Variants in MRPL21 observed in about 807,000 individuals in gnomAD.
MRPL21 encodes the protein large ribosomal subunit protein bL21m.
Under a neutral mutation model 27.3 loss-of-function variants are expected in MRPL21, and 20 were observed. The ratio of observed to expected loss-of-function variants is 0.73; its 90% CI spans 0.52 to 1.06. MRPL21 has a LOEUF of 1.06. Ranked by LOEUF, MRPL21 falls within the 50% of genes least tolerant of loss-of-function variation. The pLI is 0.00. For missense variants in MRPL21, 249 were observed against 251.4 expected (o/e 0.99, Z 0.06); for synonymous variants, 98 against 101.5 (o/e 0.97, Z 0.21).
In MRPL21 at chr11:68,892,881, C is replaced by G; in HGVS notation, c.553+9G>C. On this transcript the variant is annotated intron_variant, in intron 6 of 6. Transcript: ENST00000362034. ...GCAACAGGGCCCAGCGGTACTTTCTCTAACTTACTTCTTTTCTTCTTGAAG... is the reference window on the plus strand; with the variant it reads ...GCAACAGGGCCCAGCGGTACTTTCTGTAACTTACTTCTTTTCTTCTTGAAG... 6.2e-7 allele frequency: 1 copy of G among 1,609,292 alleles called. No individual in the cohort carries two copies. Among genetic ancestry groups the G allele is most frequent in the Non-Finnish European group, 8.5e-7 (1 of 1,176,870 alleles).
intron 6 of MRPL21, 51 bp downstream of exon 6, chr11:68,892,839 T>C (rs375182801): frequency 8.4e-5 from 134 of 1,589,500 alleles, no homozygotes; most frequent in African/African-American, 8.1e-4. Context: ...CGCATGCGCC[T>C]GGGCAACCAG....
intron 4 of MRPL21, among the ~76,000 whole-genome samples, chr11:68,894,409 T>G (rs1857733955): frequency 6.6e-6 from 1 of 152,104 alleles, no homozygotes; most frequent in South Asian, 2.1e-4. Flanking sequence ...GCCCCCTGAG[T>G]AGCTGGGACT....
rs148828811 is a variant in MRPL21, at chr11:68,891,917, T to C, written c.554-522A>G. On this transcript the variant is annotated intron_variant, in intron 6 of 6. Coordinates refer to ENST00000362034, the MANE Select transcript of MRPL21 (RefSeq NM_181514.2). ...TGTGGCCCATGCCCCGTGGGTGCCA[T>C]CCCTCAGGATGCCCACTATGGGGGA... The C allele has an allele frequency of 9.4e-4, 491 of 523,192 alleles. 1 individual carries two copies. Among genetic ancestry groups the C allele is most frequent in the African/African-American group, 7.4e-3 (393 of 52,770 alleles). The allele number at this position is 523,192 out of a possible 1,614,324, so 32.4% of individuals were successfully genotyped here.
chr11:68,897,994 G>A lies in MRPL21; in HGVS notation c.165C>T (p.Ser55=), dbSNP rs749239284. ...CTTCTGGCCAAGGTGGTGAACTCAG[G>A]GATGTTTTAGGAACATATCTGTAAA... The part of the protein sequence containing the change: ...SYLPGYVPKT[S]LSSPPWPEVV... The change falls in exon 3 of 7, where the codon TCC becomes TCT. Residue 55 remains serine (S), a synonymous_variant. Transcript: ENST00000362034. 3.1e-6 allele frequency: 5 copies of A among 1,614,048 alleles called. No homozygotes were observed. The highest frequency in any genetic ancestry group is 4.2e-6 in the Non-Finnish European group (5 of 1,179,922).
Position 68,891,353 on chromosome 11 carries a change from T to C in MRPL21, c.596A>G (p.Glu199Gly), listed in dbSNP as rs200169733. The change falls in exon 7 of 7, where the codon GAG becomes GGG. Residue 199 changes from glutamate (E) to glycine (G), a missense_variant. Glu to Gly is a moderately conservative substitution (Grantham distance 98, BLOSUM62 -2). Coordinates refer to ENST00000362034, the MANE Select transcript of MRPL21 (RefSeq NM_181514.2). ...TAATCACAACAAACACGGAGCAATC[T>C]CAATGCTGTTTATCCGGAGGACAGT... ...PQTVLRINSI[E>G]IAPCLL The C allele has an allele frequency of 3.7e-6, 6 of 1,614,072 alleles. No individual in the cohort carries two copies. The Admixed American group carries it at 1.0e-4, about 27-fold the overall frequency.
chr11:68,903,616 C>T, intron 1 of MRPL21, 107 bp downstream of exon 1: 1 of 1,160,520 alleles, frequency 8.6e-7, no homozygotes, highest in Non-Finnish European at 1.3e-6. Flanking sequence ...ACCACAAATG[C>T]GATCAACACA....
In MRPL21 at chr11:68,892,884, A is replaced by T. The variant is rs866971600; in HGVS notation, c.553+6T>A. On this transcript the variant is annotated splice_donor_region_variant and intron_variant, in intron 6 of 6. Coordinates refer to ENST00000362034, the MANE Select transcript of MRPL21 (RefSeq NM_181514.2). ...ACAGGGCCCAGCGGTACTTTCTCTA[A>T]CTTACTTCTTTTCTTCTTGAAGTTT... is the stretch of plus-strand genomic sequence containing the variant. 13 of 1,609,984 alleles carry T rather than the reference A, an allele frequency of 8.1e-6. No homozygotes were observed. The highest frequency in any genetic ancestry group is 9.3e-6 in the Non-Finnish European group (11 of 1,177,466).
In MRPL21 at chr11:68,891,405, A is replaced by G; in HGVS notation, c.554-10T>C. ...TGCGGGGTCGTGACGACTGAAAGAA[A>G]GGATGTCACAGGCTTGACCACAGAC... On this transcript the variant is annotated splice_polypyrimidine_tract_variant and intron_variant, in intron 6 of 6. Coordinates refer to ENST00000362034, the MANE Select transcript of MRPL21 (RefSeq NM_181514.2). 6.2e-7 allele frequency: 1 copy of G among 1,613,856 alleles called. No individual in the cohort carries two copies.
At chr11:68,898,217 T>A (rs1197718068) in intron 2 of MRPL21, among the ~76,000 whole-genome samples, 1 of 152,198 alleles carries the variant, frequency 6.6e-6, no homozygotes, top group Non-Finnish European at 1.5e-5. Flanking sequence ...TGGCTCATCA[T>A]TCAATAATCA....
At chr11:68,902,660 A>G (rs1353541231) in intron 1 of MRPL21, among the ~76,000 whole-genome samples, 2 of 152,292 alleles carry the variant, frequency 1.3e-5, no homozygotes, top group Non-Finnish European at 2.9e-5. Context: ...ATTGTTATCC[A>G]AAGTCCATAG....
chr11:68,896,365 G>GC, intron 4 of MRPL21, 150 bp downstream of exon 4: 2 of 991,700 alleles, frequency 2.0e-6, no homozygotes. Flanking sequence ...CGCCGTGGGC[G>GC]CCCCCCAAAG....
At chr11:68,891,883 G>A (rs561089565) in intron 6 of MRPL21, 9 of 483,430 alleles carry the variant, frequency 1.9e-5, no homozygotes, top group African/African-American at 3.8e-5. Context: ...TTCTGCAGCC[G>A]CTCAGCTATG....
chr11:68,900,942 G>A (rs944021103), intron 1 of MRPL21, among the ~76,000 whole-genome samples: 4 of 152,210 alleles, frequency 2.6e-5, no homozygotes, highest in African/African-American at 9.6e-5. Context: ...GCTGGGCCCC[G>A]CCTCCTGCTA....
intron 2 of MRPL21, 105 bp from the exon 3 acceptor site, chr11:68,898,117 C>A (rs1316699801): frequency 2.1e-6 from 2 of 935,744 alleles, no homozygotes; most frequent in East Asian, 2.6e-5. Context: ...TCCCCGGCAA[C>A]AAAAGGCTCG....
intron 6 of MRPL21, 172 bp downstream of exon 6, chr11:68,892,718 G>T (rs1857677748): frequency 6.5e-7 from 1 of 1,533,332 alleles, no homozygotes; most frequent in Non-Finnish European, 8.7e-7. Context: ...AGCGAGGCTG[G>T]ACCCTCTGGG....
intron 4 of MRPL21, 70 bp from the exon 5 acceptor site, chr11:68,893,525 G>A (rs1443650297): frequency 3.2e-6 from 5 of 1,584,464 alleles, no homozygotes; most frequent in Admixed American, 1.7e-5. Flanking sequence ...CTAATAACAG[G>A]TAGTGATGTC....
At chr11:68,894,369 C>T (rs1169879163) in intron 4 of MRPL21, among the ~76,000 whole-genome samples, 1 of 152,208 alleles carries the variant, frequency 6.6e-6, no homozygotes. Flanking sequence ...CAACCTCTGC[C>T]TCCCAGGTTC....
At chr11:68,903,609 A>G in intron 1 of MRPL21, 114 bp downstream of exon 1, 7 of 1,111,656 alleles carry the variant, frequency 6.3e-6, no homozygotes, top group Non-Finnish European at 5.4e-6. Flanking sequence ...TATATTCACC[A>G]CAAATGCGAT....
At chr11:68,903,614 T>TG (rs1858033826) in intron 1 of MRPL21, 109 bp downstream of exon 1, 1 of 1,141,668 alleles carries the variant, frequency 8.8e-7, no homozygotes, top group East Asian at 2.4e-5. Context: ...TCACCACAAA[T>TG]GCGATCAACA....
Sources: allele counts gnomAD v4.1 joint callset (sites outside exome capture counted in the v4.1 genomes callset), GRCh38; gene constraint gnomAD v4.1.1; transcripts MANE v1.5; gene names NCBI Gene and HGNC (gene_info 2026-07-23, HGNC 2026-07-21).